Variants in TSGA10 observed in about 807,000 individuals in gnomAD.
The protein encoded by TSGA10 is testis-specific gene 10 protein.
A neutral mutation model predicts 96.6 loss-of-function variants in TSGA10; 43 were observed. That is an observed-to-expected ratio of 0.44 (90% CI 0.35 to 0.57). The LOEUF is 0.57. TSGA10 is among the 20% of genes least tolerant of loss of function. The pLI, the probability that TSGA10 is intolerant of heterozygous loss-of-function variation, is 0.01. For synonymous variants in TSGA10, 229 were observed against 269.9 expected (o/e 0.85, Z 1.48); for missense variants, 703 against 834.4 (o/e 0.84, Z 1.94).
chr2:99,109,475 C>G lies in TSGA10; in HGVS notation c.-36G>C, dbSNP rs1559046224. 1 of 1,606,614 alleles carries G rather than the reference C, an allele frequency of 6.2e-7. No individual in the cohort carries two copies. Among genetic ancestry groups the G allele is most frequent in the Admixed American group, 1.7e-5 (1 of 59,862 alleles). ...TGTTGAGCTTCACTCTTATAGTGATCTTTGTCTGCTTCCAAAGTCTTGACA... is the reference window on the plus strand; with the variant it reads ...TGTTGAGCTTCACTCTTATAGTGATGTTTGTCTGCTTCCAAAGTCTTGACA... On this transcript the variant is annotated 5_prime_UTR_variant, in exon 6 of 21. Coordinates refer to ENST00000393483, the MANE Select transcript of TSGA10 (RefSeq NM_025244.4).
chr2:99,030,630 G>C, intron 17 of TSGA10, among the ~76,000 whole-genome samples: 1 of 152,170 alleles, frequency 6.6e-6, no homozygotes, highest in African/African-American at 2.4e-5. Context: ...CTGGGTGACA[G>C]AGTGAGACCC....
At chr2:99,096,543 T>C (rs2090057120) in intron 10 of TSGA10, among the ~76,000 whole-genome samples, 1 of 152,262 alleles carries the variant, frequency 6.6e-6, no homozygotes, top group Admixed American at 6.5e-5. Flanking sequence ...AGTGTCAACA[T>C]TTCCATGACA....
At chr2:99,148,455 T>C (rs925596640) in intron 1 of TSGA10, 6 of 152,224 alleles carry the variant, frequency 3.9e-5, no homozygotes, top group African/African-American at 1.4e-4. Flanking sequence ...ATTTACCTAA[T>C]TGTTATATTA....
chr2:99,079,694 T>C (rs1177562022), intron 11 of TSGA10, among the ~76,000 whole-genome samples: 6 of 152,136 alleles, frequency 3.9e-5, no homozygotes, highest in African/African-American at 1.4e-4. Context: ...GGAGGCTGGC[T>C]CCAGTGATCT....
rs541874221 is a variant in TSGA10, at chr2:99,018,721, T to C, written c.1818-81A>G. 6.7e-6 allele frequency: 8 copies of C among 1,200,820 alleles called. No individual in the cohort carries two copies. In the South Asian group the frequency reaches 1.2e-4, roughly 19 times the overall value. The allele number at this position is 1,200,820 out of a possible 1,614,324, so 74.4% of individuals were successfully genotyped here. On this transcript the variant is annotated intron_variant, in intron 18 of 20. Coordinates refer to ENST00000393483, the MANE Select transcript of TSGA10 (RefSeq NM_025244.4). ...TCTGGGGTACATGAAACCATATTGA[T>C]AGTGGTTTCTCAGCTGGATCCAAAT... is the stretch of plus-strand genomic sequence containing the variant.
Position 99,073,260 on chromosome 2 carries a change from A to T in TSGA10, c.883-187T>A, listed in dbSNP as rs147152158. Reference sequence around the variant, plus strand: ...ATGTGAATATTTGCACTGGGTAAAAATAGATTATGTTCATTAAAGTAAAGG... The same window carrying T: ...ATGTGAATATTTGCACTGGGTAAAATTAGATTATGTTCATTAAAGTAAAGG... On this transcript the variant is annotated intron_variant, in intron 12 of 20. Transcript: ENST00000393483. Among the ~76,000 whole-genome samples, 5 of 152,316 alleles carry T rather than the reference A, an allele frequency of 3.3e-5. No homozygotes were observed. The East Asian group carries it at 9.6e-4, about 29-fold the overall frequency.
In TSGA10 at chr2:99,150,944, T is replaced by C. The variant is rs2093688061; in HGVS notation, c.-621+3749A>G. 9.0e-6 allele frequency: 6 copies of C among 664,696 alleles called. No homozygotes were observed. The Admixed American group carries it at 9.1e-5, about 10-fold the overall frequency. The allele number at this position is 664,696 out of a possible 1,614,324, so 41.2% of individuals were successfully genotyped here. ...ACCCTGACAAAATGATGGAAGACTA[T>C]TGCCTTATTTTGCACTATTTGTGAA... is the stretch of plus-strand genomic sequence containing the variant. On this transcript the variant is annotated intron_variant, in intron 1 of 20. Transcript: ENST00000393483.
At chr2:99,006,865 A>G (rs2078528757) in intron 20 of TSGA10, among the ~76,000 whole-genome samples, 2 of 152,220 alleles carry the variant, frequency 1.3e-5, no homozygotes, top group African/African-American at 4.8e-5. Flanking sequence ...TTGTGGCACT[A>G]TTCACAATAG....
chr2:99,069,024 G>T, intron 14 of TSGA10, 26 bp from the exon 15 acceptor site: 1 of 1,265,302 alleles, frequency 7.9e-7, no homozygotes, highest in Non-Finnish European at 1.1e-6. Context: ...AGGTATATTT[G>T]ACTATGAAAA....
At chr2:99,124,261 A>C (rs7598083) in intron 2 of TSGA10, among the ~76,000 whole-genome samples, 1,837 of 152,268 alleles carry the variant, frequency 0.012, 40 homozygotes, top group African/African-American at 0.042. Context: ...ACATTTGTAT[A>C]TCTTCTTTGG....
intron 16 of TSGA10, among the ~76,000 whole-genome samples, chr2:99,061,752 C>T (rs1411748713): frequency 6.6e-6 from 1 of 152,212 alleles, no homozygotes; most frequent in Non-Finnish European, 1.5e-5. Context: ...ATGGACAAAA[C>T]TGTGTCCCCT....
At chr2:99,121,887 A>G (rs542673818) in intron 2 of TSGA10, among the ~76,000 whole-genome samples, 2 of 152,092 alleles carry the variant, frequency 1.3e-5, no homozygotes, top group African/African-American at 4.8e-5. Flanking sequence ...CTCCTATGTT[A>G]CCTCCTAAAA....
At chr2:99,126,945 A>T in intron 2 of TSGA10, 103 bp downstream of exon 2, 1 of 1,062,440 alleles carries the variant, frequency 9.4e-7, no homozygotes, top group Non-Finnish European at 1.2e-6. Context: ...CATAACATTT[A>T]AATGAGCTCT....
chr2:99,054,663 A>C (rs1170332453), intron 16 of TSGA10, among the ~76,000 whole-genome samples: 1 of 152,210 alleles, frequency 6.6e-6, no homozygotes, highest in African/African-American at 2.4e-5. Context: ...GAAAACAAAT[A>C]ACCCAATTTA....
At chr2:99,114,539 TCACCCAATAGCTTTCCAACCCTCAAATA>T (rs2092088822) in intron 4 of TSGA10, among the ~76,000 whole-genome samples, 1 of 152,194 alleles carries the variant, frequency 6.6e-6, no homozygotes, top group African/African-American at 2.4e-5. Context: ...TACCTCTTTT[TCACCCAATAGCTTTCCAACCCTCAAATA>T]CACCCAACAT....
intron 1 of TSGA10, 55 bp from the exon 2 acceptor site, chr2:99,127,231 G>T: frequency 2.6e-6 from 3 of 1,142,008 alleles, no homozygotes; most frequent in East Asian, 7.5e-5. Context: ...ACAGCTCTGT[G>T]ATTTCTTACA....
intron 1 of TSGA10, among the ~76,000 whole-genome samples, chr2:99,153,099 T>A (rs1219900498): frequency 6.6e-6 from 1 of 152,114 alleles, no homozygotes; most frequent in East Asian, 1.9e-4. Flanking sequence ...GAGGAAAACC[T>A]GGCAAAAGGG....
rs182839775 is a variant in TSGA10, at chr2:99,056,095, C to T, written c.1404+8844G>A. Among the ~76,000 whole-genome samples, 774 of 151,758 alleles carry T rather than the reference C, an allele frequency of 5.1e-3. 4 individuals are homozygous for T. Among genetic ancestry groups the T allele is most frequent in the Non-Finnish European group, 8.5e-3 (579 of 67,914 alleles). ...TGGTGGGCACCTGTAGTCCCAGGTA[C>T]TCGCGAGGCTGAGGCAGGAATATAG... is the stretch of plus-strand genomic sequence containing the variant. On this transcript the variant is annotated intron_variant, in intron 16 of 20. Coordinates refer to ENST00000393483, the MANE Select transcript of TSGA10 (RefSeq NM_025244.4).
chr2:99,014,069 C>T (rs778118826), intron 20 of TSGA10, among the ~76,000 whole-genome samples: 6 of 152,224 alleles, frequency 3.9e-5, no homozygotes, highest in African/African-American at 1.4e-4. Flanking sequence ...GCACAAGAAT[C>T]GCTTGAACCT....
Sources: allele counts gnomAD v4.1 joint callset (sites outside exome capture counted in the v4.1 genomes callset), GRCh38; gene constraint gnomAD v4.1.1; transcripts MANE v1.5; gene names NCBI Gene and HGNC (gene_info 2026-07-23, HGNC 2026-07-21).